VWC2L: variants seen among roughly 807,000 people sequenced by gnomAD.
VWC2L encodes von Willebrand factor C domain containing 2 like.
VWC2L carries 10 observed loss-of-function variants against 21.6 expected under a neutral mutation model. The ratio of observed to expected loss-of-function variants is 0.46; its 90% CI spans 0.29 to 0.78. VWC2L has a LOEUF of 0.78. Ranked by LOEUF, VWC2L falls within the 30% of genes least tolerant of loss-of-function variation. VWC2L has a pLI of 0.10. For synonymous variants in VWC2L, 96 were observed against 94.3 expected, an observed-to-expected ratio of 1.02 and a Z score of -0.10; for missense variants, 209 against 277.1, an observed-to-expected ratio of 0.75 and a Z score of 1.74.
chr2:214,493,587 A>C (rs1394077203), intron 3 of VWC2L, among the ~76,000 whole-genome samples: 1 of 152,080 alleles, frequency 6.6e-6, no homozygotes, highest in Non-Finnish European at 1.5e-5. Flanking sequence ...TATCCCACCA[A>C]CCTAGTAAAT....
intron 3 of VWC2L, among the ~76,000 whole-genome samples, chr2:214,476,298 A>G (rs1412990338): frequency 6.6e-6 from 1 of 152,224 alleles, no homozygotes; most frequent in Non-Finnish European, 1.5e-5. Context: ...CAAATCATGC[A>G]CATTCCAATT....
chr2:214,565,794 T>C (rs1293129689), intron 3 of VWC2L, among the ~76,000 whole-genome samples: 1 of 152,204 alleles, frequency 6.6e-6, no homozygotes, highest in Non-Finnish European at 1.5e-5. Context: ...TTTGCATATG[T>C]GAATTCATTT....
chr2:214,420,104 T>G (rs1278514846), intron 2 of VWC2L, among the ~76,000 whole-genome samples: 2 of 152,120 alleles, frequency 1.3e-5, no homozygotes, highest in African/African-American at 2.4e-5. Flanking sequence ...TTTTGCCAAG[T>G]CATCACACTC....
rs143938047 is a variant in VWC2L, at chr2:214,460,181, G to A, written c.520+23423G>A. On this transcript the variant is annotated intron_variant, in intron 3 of 3. Coordinates refer to ENST00000312504, the MANE Select transcript of VWC2L (RefSeq NM_001080500.4). Reference sequence around the variant, plus strand: ...CTCTTAAAATCCTGAGATCACAGGCGTGAGCCACCATGCCTGGCCTTCTTT... The same window carrying A: ...CTCTTAAAATCCTGAGATCACAGGCATGAGCCACCATGCCTGGCCTTCTTT... Among the ~76,000 whole-genome samples, 479 of 152,188 alleles carry A rather than the reference G, an allele frequency of 3.1e-3. 3 individuals carry two copies. The highest frequency in any genetic ancestry group is 0.011 in the African/African-American group (448 of 41,520).
In VWC2L at chr2:214,414,570, T is replaced by C. The variant is rs1226529020; in HGVS notation, c.377T>C (p.Leu126Ser). ...CEYHGKNYKI[L>S]EEFKPSPCEW... The stretch of plus-strand genomic sequence containing the variant: ...TATCACGGGAAAAATTACAAAATCT[T>C]GGAGGAATTTAAGGTATGCGTTACC... The change falls in exon 2 of 4, where the codon TTG becomes TCG. Residue 126 changes from leucine to serine, a missense_variant. By Grantham distance (145) the Leu-to-Ser change is moderately radical. Transcript: ENST00000312504. The C allele has an allele frequency of 6.2e-7, 1 of 1,613,058 alleles. No individual in the cohort carries two copies. Among genetic ancestry groups the C allele is most frequent in the Non-Finnish European group, 8.5e-7 (1 of 1,179,562 alleles).
At chr2:214,453,967 C>T (rs927445568) in intron 3 of VWC2L, among the ~76,000 whole-genome samples, 14 of 152,044 alleles carry the variant, frequency 9.2e-5, no homozygotes, top group African/African-American at 2.7e-4. Context: ...GCAGTCCACC[C>T]GCCTCTGCCT....
chr2:214,417,827 C>T (rs997217429), intron 2 of VWC2L, among the ~76,000 whole-genome samples: 1 of 151,902 alleles, frequency 6.6e-6, no homozygotes, highest in Non-Finnish European at 1.5e-5. Context: ...TATATCCAAG[C>T]ACAGAATTGA....
At chr2:214,463,895 C>A (rs764898735) in intron 3 of VWC2L, among the ~76,000 whole-genome samples, 5 of 151,980 alleles carry the variant, frequency 3.3e-5, no homozygotes, top group Non-Finnish European at 7.4e-5. Context: ...TTGTCTCAAG[C>A]TCACTACTTC....
chr2:214,434,699 T>C (rs1275189367), intron 2 of VWC2L, among the ~76,000 whole-genome samples: 1 of 152,242 alleles, frequency 6.6e-6, no homozygotes, highest in African/African-American at 2.4e-5. Context: ...ATAGGAAAAT[T>C]GCTTAGCATA....
intron 3 of VWC2L, among the ~76,000 whole-genome samples, chr2:214,515,535 T>C (rs548084571): frequency 2.6e-4 from 40 of 152,264 alleles, no homozygotes; most frequent in African/African-American, 9.6e-4. Flanking sequence ...ACATGGTTTT[T>C]CATTTATTTA....
chr2:214,512,622 C>A (rs532560228), intron 3 of VWC2L, among the ~76,000 whole-genome samples: 142 of 152,090 alleles, frequency 9.3e-4, no homozygotes, highest in Non-Finnish European at 1.6e-3. Context: ...TGGACATGTA[C>A]CTGCTGATGA....
intron 3 of VWC2L, among the ~76,000 whole-genome samples, chr2:214,569,141 A>G (rs938467214): frequency 6.6e-6 from 1 of 152,198 alleles, no homozygotes; most frequent in Non-Finnish European, 1.5e-5. Context: ...GGAGAAAGGA[A>G]TGTGTTTTCA....
At chr2:214,478,415 T>C (rs1386681686) in intron 3 of VWC2L, among the ~76,000 whole-genome samples, 1 of 149,988 alleles carries the variant, frequency 6.7e-6, no homozygotes, top group Non-Finnish European at 1.5e-5. Context: ...GGAGGCGGAG[T>C]TTGCAGTGAG....
intron 3 of VWC2L, among the ~76,000 whole-genome samples, chr2:214,451,091 A>G (rs899133613): frequency 5.9e-5 from 9 of 152,108 alleles, no homozygotes; most frequent in African/African-American, 1.9e-4. Flanking sequence ...CAGCAGCATC[A>G]GTATTAGGTA....
At chr2:214,430,546 A>T (rs1051802532) in intron 2 of VWC2L, among the ~76,000 whole-genome samples, 3 of 152,080 alleles carry the variant, frequency 2.0e-5, no homozygotes, top group Non-Finnish European at 2.9e-5. Flanking sequence ...ATTTTTTTTT[A>T]AATTAGACAT....
At chr2:214,568,065 G>A (rs1168340795) in intron 3 of VWC2L, among the ~76,000 whole-genome samples, 1 of 152,138 alleles carries the variant, frequency 6.6e-6, no homozygotes, top group Non-Finnish European at 1.5e-5. Flanking sequence ...CGGAATGTGA[G>A]GGCTGAAATT....
intron 3 of VWC2L, among the ~76,000 whole-genome samples, chr2:214,511,311 T>C (rs915780602): frequency 3.3e-5 from 5 of 152,126 alleles, no homozygotes; most frequent in Non-Finnish European, 7.4e-5. Flanking sequence ...TGAAAATCTG[T>C]AGCCAAACCA....
At chr2:214,448,154 C>T (rs1334844748) in intron 3 of VWC2L, among the ~76,000 whole-genome samples, 2 of 152,162 alleles carry the variant, frequency 1.3e-5, no homozygotes, top group African/African-American at 4.8e-5. Flanking sequence ...ACTGGTCTCC[C>T]CTCCTCAGGA....
chr2:214,567,595 C>CACAGAG (rs1553602423), intron 3 of VWC2L, among the ~76,000 whole-genome samples: 9 of 135,310 alleles, frequency 6.7e-5, no homozygotes, highest in African/African-American at 2.2e-4. Flanking sequence ...CACACACACA[C>CACAGAG]AGAGAGAGAG....
Sources: gnomAD v4.1 joint callset for allele counts (sites outside exome capture counted in the v4.1 genomes callset) on GRCh38, gnomAD v4.1.1 for gene constraint, MANE v1.5 for transcripts, NCBI Gene and HGNC (gene_info 2026-07-23, HGNC 2026-07-21) for gene names.